The following SEMA3A variants were observed in gnomAD, a reference collection of about 807,000 sequenced individuals.
SEMA3A encodes semaphorin 3A.
SEMA3A carries 29 observed loss-of-function variants against 97.9 expected under a neutral mutation model. The observed-to-expected ratio is 0.30, with a 90% CI of 0.22 to 0.40. SEMA3A has a LOEUF of 0.40. Ranked by LOEUF, SEMA3A falls within the 10% of genes least tolerant of loss-of-function variation. The pLI is 1.00. For missense variants in SEMA3A, 763 were observed against 951.3 expected, an observed-to-expected ratio of 0.80 and a Z score of 2.60; for synonymous variants, 321 against 323.7, an observed-to-expected ratio of 0.99 and a Z score of 0.09.
chr7:84,240,926 A>G (rs926187018), intron 3 of SEMA3A, among the ~76,000 whole-genome samples: 1 of 152,096 alleles, frequency 6.6e-6, no homozygotes, highest in Non-Finnish European at 1.5e-5. Context: ...CCCTTCAAAG[A>G]ACATGAATTC....
intron 2 of SEMA3A, among the ~76,000 whole-genome samples, chr7:84,325,578 T>A (rs138660055): frequency 6.6e-6 from 1 of 151,860 alleles, no homozygotes; most frequent in Admixed American, 6.6e-5. Context: ...GCAAAGGAGA[T>A]CAGCGATATA....
chr7:84,282,547 T>G, intron 3 of SEMA3A, among the ~76,000 whole-genome samples: 1 of 152,126 alleles, frequency 6.6e-6, no homozygotes, highest in East Asian at 1.9e-4. Flanking sequence ...TTGTGAAGTT[T>G]GTAAGCTTCT....
intron 3 of SEMA3A, among the ~76,000 whole-genome samples, chr7:84,281,113 C>T (rs952272824): frequency 6.6e-6 from 1 of 152,120 alleles, no homozygotes; most frequent in Admixed American, 6.6e-5. Context: ...GATCTGCCAG[C>T]CATTGCTCCT....
intron 1 of SEMA3A, among the ~76,000 whole-genome samples, chr7:84,434,798 T>C (rs1318183297): frequency 6.6e-6 from 1 of 152,098 alleles, no homozygotes; most frequent in Non-Finnish European, 1.5e-5. Flanking sequence ...AAGCCTTCAA[T>C]AAAATCCAAC....
intron 3 of SEMA3A, among the ~76,000 whole-genome samples, chr7:84,228,685 G>C (rs1799047708): frequency 6.6e-6 from 1 of 152,128 alleles, no homozygotes; most frequent in South Asian, 2.1e-4. Context: ...AACAGCAGGA[G>C]ATCAGAGTGA....
chr7:84,049,911 G>C (rs1792536222), intron 5 of SEMA3A, among the ~76,000 whole-genome samples: 1 of 132,564 alleles, frequency 7.5e-6, no homozygotes, highest in Non-Finnish European at 1.5e-5. Context: ...TCCCCTTCAT[G>C]TGTCCATGTG....
intron 1 of SEMA3A, among the ~76,000 whole-genome samples, chr7:84,147,630 GACA>G (rs1360169222): frequency 2.0e-5 from 3 of 152,174 alleles, no homozygotes; most frequent in Non-Finnish European, 4.4e-5. Flanking sequence ...AGATTTGTCT[GACA>G]ACAGGTGCTC....
At chr7:84,297,265 C>A (rs903803295) in intron 3 of SEMA3A, among the ~76,000 whole-genome samples, 9 of 152,270 alleles carry the variant, frequency 5.9e-5, no homozygotes, top group African/African-American at 2.2e-4. Context: ...GTGTGAGCCA[C>A]CGTGCCCAGC....
At chr7:84,345,433 C>CA (rs886895318) in intron 2 of SEMA3A, among the ~76,000 whole-genome samples, 4 of 152,130 alleles carry the variant, frequency 2.6e-5, no homozygotes, top group African/African-American at 7.2e-5. Flanking sequence ...CTTTCATTCA[C>CA]AAAAAATTTC....
intron 1 of SEMA3A, among the ~76,000 whole-genome samples, chr7:84,153,944 C>T (rs1351311206): frequency 6.6e-6 from 1 of 151,944 alleles, no homozygotes; most frequent in Non-Finnish European, 1.5e-5. Flanking sequence ...TGGAGACGTT[C>T]CATAAAACAC....
chr7:84,459,512 G>A lies in SEMA3A; in HGVS notation c.-246+32948C>T, dbSNP rs193230358. On this transcript the variant is annotated intron_variant, in intron 1 of 3. Coordinates refer to the SEMA3A transcript ENST00000424555. Reference sequence around the variant, plus strand: ...ACAGTAAATGCTATTAATGTTAGTAGAGATGAAATAAACTAGATATTCAAA... The same window carrying A: ...ACAGTAAATGCTATTAATGTTAGTAAAGATGAAATAAACTAGATATTCAAA... Among the ~76,000 whole-genome samples the A allele has an allele frequency of 2.0e-3, 310 of 152,164 alleles. 1 individual carries two copies. Among genetic ancestry groups the A allele is most frequent in the African/African-American group, 7.2e-3 (297 of 41,514 alleles).
intron 11 of SEMA3A, among the ~76,000 whole-genome samples, chr7:84,005,004 C>T (rs1454921551): frequency 6.6e-6 from 1 of 152,110 alleles, no homozygotes; most frequent in Non-Finnish European, 1.5e-5. Flanking sequence ...CAAGGGTGAT[C>T]CAGTTCCACT....
At chr7:84,069,545 A>G (rs1227315563) in intron 4 of SEMA3A, among the ~76,000 whole-genome samples, 1 of 152,088 alleles carries the variant, frequency 6.6e-6, no homozygotes, top group Non-Finnish European at 1.5e-5. Context: ...AAATATTTTG[A>G]CCTTTCACAA....
chr7:84,408,053 T>G lies in SEMA3A; in HGVS notation c.-245-36153A>C, dbSNP rs372145922. ...CCAAAATTGACAAATGGGATCTAAT[T>G]AAACTAAAGAGCTTCTGCACAGCAA... On this transcript the variant is annotated intron_variant, in intron 1 of 3. Transcript: ENST00000424555. Among the ~76,000 whole-genome samples, 18 of 152,252 alleles carry G rather than the reference T, an allele frequency of 1.2e-4. 2 individuals are homozygous for G. Among genetic ancestry groups the G allele is most frequent in the East Asian group, 7.7e-4 (4 of 5,180 alleles).
At chr7:84,424,624 AAT>A (rs1385417081) in intron 1 of SEMA3A, among the ~76,000 whole-genome samples, 1,117 of 47,240 alleles carry the variant, frequency 0.024, 53 homozygotes, top group East Asian at 0.21. Flanking sequence ...TATAATATAT[AAT>A]ATATATACAA....
intron 3 of SEMA3A, among the ~76,000 whole-genome samples, chr7:84,280,687 G>A (rs1305670417): frequency 6.6e-6 from 1 of 152,016 alleles, no homozygotes; most frequent in African/African-American, 2.4e-5. Context: ...GGGAGGCTGA[G>A]GCAGAATTCC....
intron 3 of SEMA3A, among the ~76,000 whole-genome samples, chr7:84,215,039 T>G (rs569463613): frequency 6.6e-6 from 1 of 151,752 alleles, no homozygotes; most frequent in Non-Finnish European, 1.5e-5. Flanking sequence ...GCCAGGCTAA[T>G]TTTTTGTATT....
At chr7:84,411,403 T>C (rs904917736) in intron 1 of SEMA3A, among the ~76,000 whole-genome samples, 2 of 152,078 alleles carry the variant, frequency 1.3e-5, no homozygotes, top group Non-Finnish European at 1.5e-5. Flanking sequence ...GAATGCTGGG[T>C]TTCCTTTGCT....
At chr7:84,066,236 ACT>A (rs1793488201) in intron 4 of SEMA3A, among the ~76,000 whole-genome samples, 1 of 151,860 alleles carries the variant, frequency 6.6e-6, no homozygotes, top group Admixed American at 6.6e-5. Context: ...CATGCTAAAA[ACT>A]CTCAATAAAT....
Sources: gnomAD v4.1 joint callset for allele counts (sites outside exome capture counted in the v4.1 genomes callset) on GRCh38, gnomAD v4.1.1 for gene constraint, MANE v1.5 for transcripts, NCBI Gene and HGNC (gene_info 2026-07-23, HGNC 2026-07-21) for gene names.